The following ZFP2 variants were observed in gnomAD, a reference collection of about 807,000 sequenced individuals.
The protein encoded by ZFP2 is zinc finger protein ZFP2.
Under a neutral mutation model 36.1 loss-of-function variants are expected in ZFP2, and 33 were observed. The observed-to-expected ratio is 0.92, with a 90% CI of 0.69 to 1.22. The LOEUF (loss-of-function observed/expected upper bound fraction) is 1.22, where lower values mean the gene tolerates loss of function less well. Ranked by LOEUF, ZFP2 falls within the 50% of genes most tolerant of loss-of-function variation. ZFP2 has a pLI of 0.00. For synonymous variants in ZFP2, 170 were observed against 178.0 expected, an observed-to-expected ratio of 0.96 and a Z score of 0.36; for missense variants, 522 against 551.4, an observed-to-expected ratio of 0.95 and a Z score of 0.53.
chr5:178,911,233 T>C (rs1758292553), intron 1 of ZFP2, among the ~76,000 whole-genome samples: 1 of 152,244 alleles, frequency 6.6e-6, no homozygotes, highest in South Asian at 2.1e-4. Context: ...TTGACACTTT[T>C]TCTGGAGTTC....
At chr5:178,922,699 A>G in intron 4 of ZFP2, 1 of 1,583,220 alleles carries the variant, frequency 6.3e-7, no homozygotes, top group South Asian at 1.1e-5. Context: ...AATAGAAAGC[A>G]ACTTACATAC....
At chr5:178,899,799 T>C (rs1252722960) in intron 1 of ZFP2, among the ~76,000 whole-genome samples, 1 of 152,108 alleles carries the variant, frequency 6.6e-6, no homozygotes, top group Non-Finnish European at 1.5e-5. Flanking sequence ...AGGTTAAACT[T>C]ACTTAGCCTT....
intron 1 of ZFP2, chr5:178,910,073 G>A (rs1016748133): frequency 6.8e-6 from 10 of 1,476,926 alleles, no homozygotes; most frequent in Middle Eastern, 1.7e-4. Context: ...ATGTAAACTG[G>A]TAGAGATCCT....
intron 3 of ZFP2, among the ~76,000 whole-genome samples, chr5:178,915,005 T>A (rs1243768274): frequency 6.6e-6 from 1 of 152,240 alleles, no homozygotes; most frequent in African/African-American, 2.4e-5. Flanking sequence ...TATCATTTTT[T>A]AAATTTCTGT....
In ZFP2 at chr5:178,927,663, ATGTGTGTGTGTG is replaced by A. The variant is rs33974182; in HGVS notation, c.-77-3536_-77-3525del. On this transcript the variant is annotated intron_variant, in intron 4 of 4. Transcript: ENST00000361362. ...AGGTGCACACCATCATACCTGGCCA[ATGTGTGTGTGTG>A]TGTGTGTGTGTGTGTGTGTGTGTGT... Among the ~76,000 whole-genome samples, 211 of 92,574 alleles carry A rather than the reference ATGTGTGTGTGTG, an allele frequency of 2.3e-3. 5 individuals are homozygous for A. The highest frequency in any genetic ancestry group is 0.017 in the Admixed American group (150 of 8,840). 60.7% of individuals were successfully genotyped at this position (92,574 alleles called of 152,430 possible). A position where few individuals can be genotyped will look rare whatever the true frequency, so the allele number is the denominator to read the frequency against.
intron 4 of ZFP2, among the ~76,000 whole-genome samples, chr5:178,922,964 G>A (rs1270557014): frequency 1.3e-5 from 2 of 149,440 alleles, no homozygotes; most frequent in African/African-American, 4.9e-5. Flanking sequence ...TGCTTTGGTT[G>A]TAACACATAA....
intron 4 of ZFP2, among the ~76,000 whole-genome samples, chr5:178,923,948 A>G (rs1054082282): frequency 1.3e-5 from 2 of 149,372 alleles, no homozygotes; most frequent in African/African-American, 4.9e-5. Flanking sequence ...ACACAGAAGA[A>G]TGTGTAAAAT....
chr5:178,910,073 G>T, intron 1 of ZFP2: 1 of 1,477,044 alleles, frequency 6.8e-7, no homozygotes, highest in Non-Finnish European at 9.5e-7. Flanking sequence ...ATGTAAACTG[G>T]TAGAGATCCT....
chr5:178,912,478 G>A (rs1758319048), intron 1 of ZFP2, 106 bp from the exon 2 acceptor site: 1 of 167,860 alleles, frequency 6.0e-6, no homozygotes, highest in Admixed American at 6.5e-5. Context: ...TCCATCTGGA[G>A]GGCAGCATGT....
At chr5:178,912,831 A>T (rs1758324232) in intron 2 of ZFP2, 112 bp downstream of exon 2, 1 of 919,376 alleles carries the variant, frequency 1.1e-6, no homozygotes, top group Non-Finnish European at 1.3e-6. Flanking sequence ...CAGAAGATTG[A>T]AATTTTCTGT....
intron 4 of ZFP2, among the ~76,000 whole-genome samples, chr5:178,918,919 C>T (rs970044496): frequency 3.3e-5 from 5 of 152,180 alleles, no homozygotes; most frequent in East Asian, 1.9e-4. Context: ...ACTGCTCAGG[C>T]TCCAAGCCCA....
intron 3 of ZFP2, 68 bp from the exon 4 acceptor site, chr5:178,916,497 C>T (rs759411841): frequency 3.1e-4 from 295 of 960,574 alleles, no homozygotes; most frequent in Non-Finnish European, 3.5e-4. Flanking sequence ...TAAAGATAGG[C>T]GAAAGTTGAA....
chr5:178,898,090 G>A (rs1309894402), intron 1 of ZFP2, among the ~76,000 whole-genome samples: 1 of 152,162 alleles, frequency 6.6e-6, no homozygotes, highest in Non-Finnish European at 1.5e-5. Context: ...CCCGGTTCAA[G>A]TGATTCTCCT....
intron 4 of ZFP2, among the ~76,000 whole-genome samples, chr5:178,927,455 A>G (rs1256641757): frequency 6.6e-6 from 1 of 151,980 alleles, no homozygotes; most frequent in Non-Finnish European, 1.5e-5. Flanking sequence ...ATTGCTATAA[A>G]GAAACACCTG....
Position 178,900,891 on chromosome 5 carries a change from C to T in ZFP2, c.-450+4917C>T, listed in dbSNP as rs553072575. On this transcript the variant is annotated intron_variant, in intron 1 of 4. Transcript: ENST00000361362. ...GTCACTGGTTTGATTTCTGTCCCTA[C>T]AGTATTGCCCTTTGTAGAACTTCAT... Among the ~76,000 whole-genome samples the T allele has an allele frequency of 1.7e-3, 253 of 152,306 alleles. 3 individuals carry two copies. The highest frequency in any genetic ancestry group is 2.6e-3 in the Non-Finnish European group (177 of 68,034).
chr5:178,924,625 A>C (rs1488356897), intron 4 of ZFP2, among the ~76,000 whole-genome samples: 1 of 148,576 alleles, frequency 6.7e-6, no homozygotes, highest in African/African-American at 2.4e-5. Flanking sequence ...GGATCACCTG[A>C]GGTCAGGAGT....
chr5:178,932,701 G>GA lies in ZFP2; in HGVS notation c.*4dup. On this transcript the variant is annotated 3_prime_UTR_variant, in exon 5 of 5. Transcript: ENST00000361362. ...CGACATCAAAGAACTCATACGTGAG[G>GA]AATGTTTTCACTGGCCCTTACCTCA... 2 of 1,581,882 alleles carry GA rather than the reference G, an allele frequency of 1.3e-6. No individual in the cohort carries two copies. The highest frequency in any genetic ancestry group is 1.7e-6 in the Non-Finnish European group (2 of 1,164,794).
Position 178,909,967 on chromosome 5 carries a change from G to C in ZFP2, c.-449-2617G>C, listed in dbSNP as rs111830735. 846 of 1,403,840 alleles carry C rather than the reference G, an allele frequency of 6.0e-4. 1 individual carries two copies. Among genetic ancestry groups the C allele is most frequent in the Non-Finnish European group, 4.0e-4 (393 of 990,434 alleles). The allele number at this position is 1,403,840 out of a possible 1,614,324, so 87.0% of individuals were successfully genotyped here. On this transcript the variant is annotated intron_variant, in intron 1 of 4. Transcript: ENST00000361362. ...AAGTTCAGCCATTGGTCCAATACTG[G>C]AGAATTGTTCTGGGTAGAGACTAGT... is the stretch of plus-strand genomic sequence containing the variant.
intron 4 of ZFP2, among the ~76,000 whole-genome samples, chr5:178,919,872 G>A (rs545031885): frequency 6.6e-5 from 10 of 152,140 alleles, no homozygotes; most frequent in Non-Finnish European, 1.3e-4. Context: ...GAGGAGGCAC[G>A]GGAATCGCTT....
Sources: gnomAD v4.1 joint callset for allele counts (sites outside exome capture counted in the v4.1 genomes callset) on GRCh38, gnomAD v4.1.1 for gene constraint, MANE v1.5 for transcripts, NCBI Gene and HGNC (gene_info 2026-07-23, HGNC 2026-07-21) for gene names.